Variants in CPQ observed in about 807,000 individuals in gnomAD.
CPQ encodes carboxypeptidase Q.
A neutral mutation model predicts 45.7 loss-of-function variants in CPQ; 37 were observed. That is an observed-to-expected ratio of 0.81 (90% CI 0.62 to 1.07). CPQ has a LOEUF of 1.07. Ranked by LOEUF, CPQ falls within the 50% of genes least tolerant of loss-of-function variation. CPQ has a pLI of 0.00. For missense variants in CPQ, 537 were observed against 572.9 expected (o/e 0.94, Z 0.64); for synonymous variants, 186 against 205.8 (o/e 0.90, Z 0.82).
intron 5 of CPQ, among the ~76,000 whole-genome samples, chr8:96,994,556 C>T (rs1221937496): frequency 6.6e-6 from 1 of 152,022 alleles, no homozygotes; most frequent in African/African-American, 2.4e-5. Context: ...AAACCATAAC[C>T]CTGCTGGCAG....
intron 7 of CPQ, among the ~76,000 whole-genome samples, chr8:97,122,927 T>TAAAAA (rs1336501970): frequency 2.6e-5 from 1 of 38,886 alleles, no homozygotes. Flanking sequence ...TAAAATAAAA[T>TAAAAA]AAATAAAATA....
chr8:96,723,773 A>G (rs1809797371), intron 1 of CPQ, among the ~76,000 whole-genome samples: 1 of 151,970 alleles, frequency 6.6e-6, no homozygotes, highest in Admixed American at 6.6e-5. Flanking sequence ...CAGGACAACA[A>G]CCAACTTGTG....
intron 5 of CPQ, among the ~76,000 whole-genome samples, chr8:96,972,914 C>A (rs1358206469): frequency 6.6e-6 from 1 of 152,094 alleles, no homozygotes; most frequent in African/African-American, 2.4e-5. Flanking sequence ...TTCCCTCTGA[C>A]CTAGTCTACC....
intron 2 of CPQ, among the ~76,000 whole-genome samples, chr8:96,818,529 A>G (rs975457589): frequency 3.3e-5 from 5 of 152,104 alleles, no homozygotes; most frequent in African/African-American, 1.2e-4. Context: ...TAAAAAACGC[A>G]TTCATCTGTG....
intron 2 of CPQ, among the ~76,000 whole-genome samples, chr8:96,804,461 C>G (rs1254453599): frequency 6.6e-6 from 1 of 151,876 alleles, no homozygotes; most frequent in African/African-American, 2.4e-5. Context: ...TAAAAATTCT[C>G]TGAACTATCT....
intron 3 of CPQ, among the ~76,000 whole-genome samples, chr8:96,839,196 G>T (rs1811572239): frequency 6.6e-6 from 1 of 152,024 alleles, no homozygotes; most frequent in African/African-American, 2.4e-5. Flanking sequence ...ACACTTTGTG[G>T]TGTAATCATC....
At chr8:96,916,079 C>T (rs1241488996) in intron 4 of CPQ, among the ~76,000 whole-genome samples, 2 of 152,188 alleles carry the variant, frequency 1.3e-5, no homozygotes, top group Non-Finnish European at 2.9e-5. Flanking sequence ...TATCCTGCTG[C>T]TTGCCTTGAC....
chr8:96,649,644 A>G (rs1336718719), intron 1 of CPQ, among the ~76,000 whole-genome samples: 1 of 152,192 alleles, frequency 6.6e-6, no homozygotes, highest in Admixed American at 6.5e-5. Context: ...GAGTGAGCAG[A>G]GGTAGCTGTG....
chr8:96,761,611 C>T (rs1245111428), intron 1 of CPQ: 1 of 152,186 alleles, frequency 6.6e-6, no homozygotes, highest in Non-Finnish European at 1.5e-5. Flanking sequence ...AGTCACAGAT[C>T]TGGGTACCAA....
At chr8:96,888,836 T>C (rs935147898) in intron 4 of CPQ, among the ~76,000 whole-genome samples, 4 of 152,238 alleles carry the variant, frequency 2.6e-5, no homozygotes, top group Admixed American at 2.0e-4. Context: ...TTAGTGTTTT[T>C]TATTATATTC....
chr8:97,067,311 T>C (rs1376710665), intron 7 of CPQ, among the ~76,000 whole-genome samples: 2 of 152,182 alleles, frequency 1.3e-5, no homozygotes. Flanking sequence ...ACTGATATTG[T>C]TTGTGACCCG....
chr8:96,935,622 T>C (rs1471696055), intron 4 of CPQ, among the ~76,000 whole-genome samples: 2 of 152,204 alleles, frequency 1.3e-5, no homozygotes, highest in African/African-American at 4.8e-5. Context: ...GTATTCCTGA[T>C]AGCATTAGCC....
intron 7 of CPQ, among the ~76,000 whole-genome samples, chr8:97,091,012 G>A (rs879378417): frequency 6.6e-6 from 1 of 152,178 alleles, no homozygotes; most frequent in African/African-American, 2.4e-5. Context: ...TGCAGTGAGG[G>A]AGAACTCATG....
intron 4 of CPQ, among the ~76,000 whole-genome samples, chr8:96,955,983 A>C (rs1054361580): frequency 1.3e-5 from 2 of 152,190 alleles, no homozygotes; most frequent in African/African-American, 4.8e-5. Flanking sequence ...TCATGTCTAA[A>C]ACACCAAAAG....
chr8:96,831,557 A>G (rs1011482026), intron 2 of CPQ, among the ~76,000 whole-genome samples: 1 of 152,170 alleles, frequency 6.6e-6, no homozygotes, highest in Non-Finnish European at 1.5e-5. Flanking sequence ...TCCCTTTGGT[A>G]TAAGGTGTCA....
chr8:96,979,779 G>C (rs934396505), intron 5 of CPQ, among the ~76,000 whole-genome samples: 2 of 151,988 alleles, frequency 1.3e-5, no homozygotes, highest in African/African-American at 4.8e-5. Flanking sequence ...GTTTCTACTG[G>C]GTATGTGACA....
intron 5 of CPQ, among the ~76,000 whole-genome samples, chr8:96,995,680 C>T (rs1316585438): frequency 1.4e-5 from 2 of 145,774 alleles, no homozygotes; most frequent in South Asian, 2.2e-4. Flanking sequence ...AAAAAAAAAA[C>T]ACTTCTATTT....
chr8:97,123,236 T>TAAAAAAAAAAAAAAAAAAAAA (rs1554591681), intron 7 of CPQ, among the ~76,000 whole-genome samples: 1 of 112,538 alleles, frequency 8.9e-6, no homozygotes, highest in Non-Finnish European at 1.9e-5. Context: ...TAAAATAAAA[T>TAAAAAAAAAAAAAAAAAAAAA]AAATAAAATA....
At chr8:96,978,718 C>T (rs967540444) in intron 5 of CPQ, among the ~76,000 whole-genome samples, 12 of 152,122 alleles carry the variant, frequency 7.9e-5, no homozygotes, top group African/African-American at 2.9e-4. Flanking sequence ...TATCATTTAT[C>T]CTGGAGAATA....
Sources: allele counts gnomAD v4.1 joint callset (sites outside exome capture counted in the v4.1 genomes callset), GRCh38; gene constraint gnomAD v4.1.1; transcripts MANE v1.5; gene names NCBI Gene and HGNC (gene_info 2026-07-23, HGNC 2026-07-21).